PARD3B: variants seen among roughly 807,000 people sequenced by gnomAD.
PARD3B encodes the protein par-3 family cell polarity regulator beta.
In PARD3B, 103 loss-of-function variants were observed where a neutral mutation model predicts 130.2. That is an observed-to-expected ratio of 0.79 (90% CI 0.67 to 0.93). The LOEUF is 0.93. Ranked by LOEUF, PARD3B falls within the 40% of genes least tolerant of loss-of-function variation. The pLI is 0.00. For missense variants in PARD3B, 1,609 were observed against 1,499.2 expected (o/e 1.07, Z -1.21); for synonymous variants, 583 against 553.2 (o/e 1.05, Z -0.76).
At chr2:204,989,327 G>A (rs1693443877) in intron 3 of PARD3B, among the ~76,000 whole-genome samples, 1 of 152,086 alleles carries the variant, frequency 6.6e-6, no homozygotes, top group African/African-American at 2.4e-5. Context: ...AGAGAAGTAT[G>A]GTGAGATTTT....
At chr2:205,170,797 A>C (rs1043218008) in intron 11 of PARD3B, among the ~76,000 whole-genome samples, 1 of 120,580 alleles carries the variant, frequency 8.3e-6, no homozygotes, top group South Asian at 2.5e-4. Flanking sequence ...TTTTTCTTTT[A>C]CTTTTTTTTT....
chr2:205,238,855 T>A (rs866832302), intron 15 of PARD3B, among the ~76,000 whole-genome samples: 5,607 of 56,174 alleles, frequency 0.1, 422 homozygotes, highest in African/African-American at 0.16. Flanking sequence ...AAAAAATATA[T>A]ATATATATAT....
intron 10 of PARD3B, among the ~76,000 whole-genome samples, chr2:205,132,967 A>G (rs2032146562): frequency 6.6e-6 from 1 of 152,114 alleles, no homozygotes; most frequent in African/African-American, 2.4e-5. Flanking sequence ...GGTGATATAG[A>G]AGGCTGGGAA....
intron 1 of PARD3B, among the ~76,000 whole-genome samples, chr2:204,657,870 C>A (rs1017033754): frequency 6.6e-6 from 1 of 152,084 alleles, no homozygotes; most frequent in Admixed American, 6.6e-5. Context: ...TTTCAAAATA[C>A]TCCTTAATTC....
intron 20 of PARD3B, among the ~76,000 whole-genome samples, chr2:205,459,507 A>G (rs1345766932): frequency 1.3e-5 from 2 of 152,220 alleles, no homozygotes; most frequent in African/African-American, 2.4e-5. Context: ...GGCCTGGTAC[A>G]TGATAGACAC....
chr2:205,080,770 A>G (rs968965169), intron 4 of PARD3B, among the ~76,000 whole-genome samples: 2 of 152,158 alleles, frequency 1.3e-5, no homozygotes, highest in Non-Finnish European at 2.9e-5. Context: ...TAGGAATTCC[A>G]TATCCTCATC....
At chr2:204,812,685 T>C (rs1275574043) in intron 2 of PARD3B, among the ~76,000 whole-genome samples, 1 of 152,068 alleles carries the variant, frequency 6.6e-6, no homozygotes, top group African/African-American at 2.4e-5. Context: ...TAAAAGAAGG[T>C]CATATACCAG....
intron 5 of PARD3B, among the ~76,000 whole-genome samples, chr2:205,110,168 C>G (rs1295449457): frequency 3.9e-5 from 6 of 152,192 alleles, no homozygotes; most frequent in African/African-American, 1.4e-4. Flanking sequence ...CAACAAGTGA[C>G]CTGCCACTGA....
intron 13 of PARD3B, among the ~76,000 whole-genome samples, chr2:205,182,712 G>A (rs2035863761): frequency 6.6e-6 from 1 of 152,214 alleles, no homozygotes. Context: ...TCACTGGATA[G>A]ATAAAGACAG....
At position 205,458,187 on chromosome 2, in the gene PARD3B, A is replaced by C. The variant is rs530836727; in HGVS notation, c.3044+17515A>C. ...GCAGAGCTTCTTAAATCTGTGCTTT[A>C]GTGTTCTTCATCATCTTTGAAAAAT... On this transcript the variant is annotated intron_variant, in intron 20 of 22. Coordinates refer to ENST00000406610, the MANE Select transcript of PARD3B (RefSeq NM_001302769.2). The surrounding 1 kb of genome is among the most constrained non-coding windows in gnomAD (Gnocchi z 4.8). Among the ~76,000 whole-genome samples, 28 of 152,156 alleles carry C rather than the reference A, an allele frequency of 1.8e-4. No individual in the cohort carries two copies. The highest frequency in any genetic ancestry group is 6.3e-4 in the African/African-American group (26 of 41,542).
At chr2:204,858,929 A>G (rs933040976) in intron 2 of PARD3B, among the ~76,000 whole-genome samples, 1 of 151,678 alleles carries the variant, frequency 6.6e-6, no homozygotes, top group Non-Finnish European at 1.5e-5. Context: ...TTTAACCCTC[A>G]CAAAATTATG....
At chr2:204,778,838 C>T (rs1365099858) in intron 2 of PARD3B, among the ~76,000 whole-genome samples, 1 of 152,104 alleles carries the variant, frequency 6.6e-6, no homozygotes, top group East Asian at 1.9e-4. Context: ...TATGACTGTG[C>T]CAGTCATCCT....
chr2:205,576,509 A>C (rs1332480199), intron 22 of PARD3B, among the ~76,000 whole-genome samples: 1 of 152,062 alleles, frequency 6.6e-6, no homozygotes, highest in Non-Finnish European at 1.5e-5. Context: ...CATTTTTTGC[A>C]TGTGGATGTC....
chr2:205,147,979 G>A (rs2033485439), intron 10 of PARD3B, among the ~76,000 whole-genome samples: 1 of 151,788 alleles, frequency 6.6e-6, no homozygotes, highest in Non-Finnish European at 1.5e-5. Context: ...GAGATCATAG[G>A]GCTATACAGA....
chr2:205,594,344 A>G (rs1181438703), intron 22 of PARD3B, among the ~76,000 whole-genome samples: 2 of 152,178 alleles, frequency 1.3e-5, no homozygotes. Flanking sequence ...TGAACCAGGT[A>G]AGGTGATGGA....
intron 2 of PARD3B, among the ~76,000 whole-genome samples, chr2:204,740,239 C>A (rs988661876): frequency 6.6e-6 from 1 of 151,620 alleles, no homozygotes; most frequent in African/African-American, 2.4e-5. Context: ...CCAGGCTGAT[C>A]GCGATCTCCT....
intron 22 of PARD3B, among the ~76,000 whole-genome samples, chr2:205,613,142 C>G (rs1021305409): frequency 2.0e-5 from 3 of 152,186 alleles, no homozygotes; most frequent in Admixed American, 1.3e-4. Flanking sequence ...TTCTCTCTTT[C>G]CATTTTAAAC....
chr2:204,841,794 A>G (rs961121129), intron 2 of PARD3B, among the ~76,000 whole-genome samples: 1 of 152,274 alleles, frequency 6.6e-6, no homozygotes, highest in African/African-American at 2.4e-5. Flanking sequence ...ATTGTATAAA[A>G]TACAAATGAT....
chr2:205,045,162 T>C (rs1322958469), intron 3 of PARD3B, among the ~76,000 whole-genome samples: 1 of 150,870 alleles, frequency 6.6e-6, no homozygotes, highest in Non-Finnish European at 1.5e-5. Flanking sequence ...GGTACAAAAC[T>C]GAATTGTCAT....
Sources: gnomAD v4.1 joint callset for allele counts (sites outside exome capture counted in the v4.1 genomes callset) on GRCh38, gnomAD v4.1.1 for gene constraint, Gnocchi (gnomAD v3.1) non-coding constraint, MANE v1.5 for transcripts, NCBI Gene and HGNC (gene_info 2026-07-23, HGNC 2026-07-21) for gene names.